Variants in NHSL1 observed in about 807,000 individuals in gnomAD.
NHSL1 encodes the protein NHS-like protein 1.
NHSL1 carries 48 observed loss-of-function variants against 95.0 expected under a neutral mutation model. The ratio of observed to expected loss-of-function variants is 0.51; its 90% CI spans 0.40 to 0.64. The LOEUF is 0.64. NHSL1 is among the 30% of genes least tolerant of loss of function. The pLI is 0.00. For missense variants in NHSL1, 1,971 were observed against 2,077.7 expected, an observed-to-expected ratio of 0.95 and a Z score of 1.00; for synonymous variants, 783 against 833.9, an observed-to-expected ratio of 0.94 and a Z score of 1.05.
chr6:138,613,635 C>A (rs894921630), intron 1 of NHSL1, among the ~76,000 whole-genome samples: 1 of 152,182 alleles, frequency 6.6e-6, no homozygotes, highest in East Asian at 1.9e-4. Flanking sequence ...AAACGGACTG[C>A]CCTGCATCCT....
Position 138,447,116 on chromosome 6 carries a change from G to A in NHSL1, c.417C>T (p.Ser139=), listed in dbSNP as rs372001453. Residue 139 remains serine (S), a synonymous_variant, in exon 4 of 8, where the codon TCC becomes TCT. Transcript: ENST00000343505. ...RPKTPASSDF[S]DLNTQTNWTK... Reference sequence around the variant, plus strand: ...TCCAGTTCGTCTGAGTATTAAGGTCGGAGAAGTCACTTGAGGCTGGTGTTT... The same window carrying A: ...TCCAGTTCGTCTGAGTATTAAGGTCAGAGAAGTCACTTGAGGCTGGTGTTT... 172 of 1,551,638 alleles carry A rather than the reference G, an allele frequency of 1.1e-4. No homozygotes were observed. Among genetic ancestry groups the A allele is most frequent in the South Asian group, 5.8e-4 (49 of 84,068 alleles).
intron 2 of NHSL1, among the ~76,000 whole-genome samples, chr6:138,483,751 A>C (rs781265846): frequency 1.3e-5 from 2 of 152,202 alleles, no homozygotes; most frequent in Non-Finnish European, 2.9e-5. Flanking sequence ...TGAATGTAAA[A>C]GCCAAAATCC....
Position 138,475,638 on chromosome 6 carries a change from C to A in NHSL1, c.212-2205G>T, listed in dbSNP as rs182011243. ...AAAGCTAAGATTAAAAAATAACACTCAAGAATGGCTACAATTAAAAAGCAA... is the reference window on the plus strand; with the variant it reads ...AAAGCTAAGATTAAAAAATAACACTAAAGAATGGCTACAATTAAAAAGCAA... On this transcript the variant is annotated intron_variant, in intron 2 of 7. Coordinates refer to ENST00000343505, the MANE Select transcript of NHSL1 (RefSeq NM_001144060.2). Among the ~76,000 whole-genome samples, 89 of 152,142 alleles carry A rather than the reference C, an allele frequency of 5.8e-4. 1 individual carries two copies. The highest frequency in any genetic ancestry group is 2.1e-3 in the African/African-American group (87 of 41,538).
intron 1 of NHSL1, among the ~76,000 whole-genome samples, chr6:138,535,506 G>C (rs1782304122): frequency 6.6e-6 from 1 of 152,180 alleles, no homozygotes; most frequent in African/African-American, 2.4e-5. Flanking sequence ...CAAGGCTGCA[G>C]TGAGCCATAA....
In NHSL1 at chr6:138,442,090, C is replaced by T. The variant is rs1004299496; in HGVS notation, c.557G>A (p.Ser186Asn). ...TGTGTAAATTAGAGACCGCCGAAGGCTGGCCTGGCGATCGAAATTCTCCCC... is the reference window on the plus strand; with the variant it reads ...TGTGTAAATTAGAGACCGCCGAAGGTTGGCCTGGCGATCGAAATTCTCCCC... ...ITGENFDRQA[S>N]LRRSLIYTDT... is the part of the protein sequence containing the mutation. The change falls in exon 5 of 8, where the codon AGC (serine) becomes AAC (asparagine). Residue 186 changes from serine (S) to asparagine (N), a missense_variant. By Grantham distance (46) the Ser-to-Asn change is conservative (BLOSUM62 1). Coordinates refer to ENST00000343505, the MANE Select transcript of NHSL1 (RefSeq NM_001144060.2). 6.5e-7 allele frequency: 1 copy of T among 1,550,342 alleles called. No individual in the cohort carries two copies. Among genetic ancestry groups the T allele is most frequent in the African/African-American group, 1.4e-5 (1 of 73,074 alleles).
intron 1 of NHSL1, among the ~76,000 whole-genome samples, chr6:138,584,453 C>T (rs1006048283): frequency 1.3e-5 from 2 of 152,170 alleles, no homozygotes; most frequent in African/African-American, 2.4e-5. Context: ...CCAACTCTCC[C>T]GACAGTCATC....
intron 7 of NHSL1, among the ~76,000 whole-genome samples, chr6:138,426,684 C>A (rs918302918): frequency 1.3e-5 from 2 of 152,066 alleles, no homozygotes; most frequent in Non-Finnish European, 2.9e-5. Flanking sequence ...GTGTTCCTGG[C>A]GTCATCTCCA....
chr6:138,431,107 G>T lies in NHSL1; in HGVS notation c.3238C>A (p.Pro1080Thr). The change falls in exon 6 of 8, where the codon CCC becomes ACC. Residue 1080 changes from proline to threonine, a missense_variant. Transcript: ENST00000343505. The surrounding 1 kb of genome is among the most constrained non-coding windows in gnomAD (Gnocchi z 4.0). ...TCAGCGCCTGAGTTCTTTCTCACGG[G>T]CCTCAACTGCACCATCTGCAATGCT... ...TEALQMVQLR[P>T]VRKNSGAEAA... is the part of the protein sequence containing the mutation. 6.4e-7 allele frequency: 1 copy of T among 1,551,820 alleles called. No individual in the cohort carries two copies. Among genetic ancestry groups the T allele is most frequent in the Non-Finnish European group, 8.7e-7 (1 of 1,147,020 alleles).
chr6:138,587,893 CTGTT>C (rs980787655), intron 1 of NHSL1, among the ~76,000 whole-genome samples: 5 of 152,232 alleles, frequency 3.3e-5, no homozygotes, highest in African/African-American at 9.7e-5. Flanking sequence ...ACACTTTATA[CTGTT>C]TGTTTGTTTA....
intron 1 of NHSL1, among the ~76,000 whole-genome samples, chr6:138,664,768 G>A (rs576010601): frequency 1.2e-4 from 19 of 152,236 alleles, no homozygotes; most frequent in African/African-American, 3.4e-4. Context: ...TGCAATTGTC[G>A]GAGCTGGCTA....
Position 138,430,767 on chromosome 6 carries a change from G to A in NHSL1, c.3578C>T (p.Pro1193Leu). Residue 1193 changes from proline (P) to leucine (L), a missense_variant, in exon 6 of 8, where the codon CCC becomes CTC. Physicochemically the swap from Pro to Leu is moderately conservative, Grantham distance 98 (BLOSUM62 -3). Coordinates refer to ENST00000343505, the MANE Select transcript of NHSL1 (RefSeq NM_001144060.2). The surrounding 1 kb of genome is among the most constrained non-coding windows in gnomAD (Gnocchi z 4.7). ...LPDSSPSRKPPPISKKPKLFL... is the reference protein window; with the variant it reads ...LPDSSPSRKPLPISKKPKLFL... Reference sequence around the variant, plus strand: ...CAGTTTGGGCTTCTTGGAAATGGGGGGTGGCTTCCTGCTGGGTGAAGAGTC... The same window carrying A: ...CAGTTTGGGCTTCTTGGAAATGGGGAGTGGCTTCCTGCTGGGTGAAGAGTC... The A allele has an allele frequency of 1.3e-6, 2 of 1,551,720 alleles. No individual in the cohort carries two copies. Among genetic ancestry groups the A allele is most frequent in the Non-Finnish European group, 1.7e-6 (2 of 1,147,014 alleles).
At chr6:138,650,241 C>T in intron 1 of NHSL1, 1 of 636,542 alleles carries the variant, frequency 1.6e-6, no homozygotes, top group Non-Finnish European at 3.0e-6. Context: ...GAAAGATGAT[C>T]CTGATGACAC....
At chr6:138,520,902 T>C (rs1332206886) in intron 1 of NHSL1, among the ~76,000 whole-genome samples, 1 of 152,188 alleles carries the variant, frequency 6.6e-6, no homozygotes, top group South Asian at 2.1e-4. Flanking sequence ...GGATTGGATA[T>C]AATTTGGAGG....
intron 1 of NHSL1, among the ~76,000 whole-genome samples, chr6:138,649,771 G>C (rs1167376873): frequency 6.6e-6 from 1 of 152,202 alleles, no homozygotes; most frequent in African/African-American, 2.4e-5. Flanking sequence ...TGGTGGCCGT[G>C]TGCCAGGGGA....
intron 1 of NHSL1, among the ~76,000 whole-genome samples, chr6:138,624,627 TTGCTGAGTGACACTCAGATCA>T (rs1562395254): frequency 3.9e-5 from 6 of 152,158 alleles, no homozygotes; most frequent in Admixed American, 2.0e-4. Context: ...CAGAAACCTT[TTGCTGAGTGACACTCAGATCA>T]CTGAGGCTCT....
At chr6:138,612,109 CAAAAAAAAAAA>C (rs368848438) in intron 1 of NHSL1, among the ~76,000 whole-genome samples, 76 of 73,488 alleles carry the variant, frequency 1.0e-3, no homozygotes, top group African/African-American at 3.6e-3. Flanking sequence ...GACTCCATCT[CAAAAAAAAAAA>C]AAAAAAAAAA....
intron 1 of NHSL1, among the ~76,000 whole-genome samples, chr6:138,603,424 T>C (rs1784395540): frequency 6.6e-6 from 1 of 152,070 alleles, no homozygotes; most frequent in Admixed American, 6.6e-5. Flanking sequence ...AGTGTAAAGG[T>C]TTCCCATGCA....
At chr6:138,641,726 A>G (rs1205165718) in intron 1 of NHSL1, among the ~76,000 whole-genome samples, 1 of 151,676 alleles carries the variant, frequency 6.6e-6, no homozygotes, top group Non-Finnish European at 1.5e-5. Context: ...ACTGCACCCA[A>G]CCTTTCTTCC....
At chr6:138,688,840 C>A (rs1785621825) in intron 1 of NHSL1, among the ~76,000 whole-genome samples, 1 of 152,124 alleles carries the variant, frequency 6.6e-6, no homozygotes, top group East Asian at 1.9e-4. Flanking sequence ...CAGACAGGAG[C>A]AGAGATTGGT....
Sources: allele counts gnomAD v4.1 joint callset (sites outside exome capture counted in the v4.1 genomes callset), GRCh38; gene constraint gnomAD v4.1.1; non-coding constraint Gnocchi (gnomAD v3.1); transcripts MANE v1.5; gene names NCBI Gene and HGNC (gene_info 2026-07-23, HGNC 2026-07-21).